RABGAP1L: variants seen among roughly 807,000 people sequenced by gnomAD.
The protein encoded by RABGAP1L is rab GTPase-activating protein 1-like.
RABGAP1L carries 63 observed loss-of-function variants against 137.7 expected under a neutral mutation model. That is an observed-to-expected ratio of 0.46 (90% CI 0.37 to 0.56). The LOEUF (loss-of-function observed/expected upper bound fraction) is 0.56, where lower values mean the gene tolerates loss of function less well. Ranked by LOEUF, RABGAP1L falls within the 20% of genes least tolerant of loss-of-function variation. The probability of loss-of-function intolerance (pLI) is 0.00; values close to 1 mark genes in which losing one functional copy is unlikely to be tolerated. For missense variants in RABGAP1L, 1,095 were observed against 1,244.0 expected, an observed-to-expected ratio of 0.88 and a Z score of 1.80; for synonymous variants, 431 against 433.7, an observed-to-expected ratio of 0.99 and a Z score of 0.08.
At chr1:174,686,564 T>C (rs1678471697) in intron 15 of RABGAP1L, among the ~76,000 whole-genome samples, 1 of 152,038 alleles carries the variant, frequency 6.6e-6, no homozygotes, top group East Asian at 1.9e-4. Context: ...CCATCTTTCT[T>C]CTAAAGGAAG....
chr1:174,616,534 G>A (rs1174021424), intron 13 of RABGAP1L, among the ~76,000 whole-genome samples: 1 of 152,128 alleles, frequency 6.6e-6, no homozygotes, highest in Non-Finnish European at 1.5e-5. Flanking sequence ...CCTAGAGGTG[G>A]CAATCAAATG....
At chr1:174,507,326 G>A (rs994296341) in intron 13 of RABGAP1L, among the ~76,000 whole-genome samples, 1 of 152,016 alleles carries the variant, frequency 6.6e-6, no homozygotes, top group Admixed American at 6.6e-5. Context: ...TTAGAATTAG[G>A]CTTGTTGGTG....
At chr1:174,468,025 A>G (rs1657500724) in intron 13 of RABGAP1L, among the ~76,000 whole-genome samples, 1 of 152,074 alleles carries the variant, frequency 6.6e-6, no homozygotes, top group Non-Finnish European at 1.5e-5. Context: ...TCTTGATTAT[A>G]AGTTTTGTTT....
chr1:174,891,280 G>A (rs1257832573), intron 19 of RABGAP1L, among the ~76,000 whole-genome samples: 1 of 152,168 alleles, frequency 6.6e-6, no homozygotes, highest in Non-Finnish European at 1.5e-5. Flanking sequence ...TGGCTAAAAT[G>A]TAGGGGGTAG....
chr1:174,983,636 G>A (rs964922713), intron 24 of RABGAP1L, among the ~76,000 whole-genome samples: 1 of 152,134 alleles, frequency 6.6e-6, no homozygotes, highest in Non-Finnish European at 1.5e-5. Flanking sequence ...ATCTTGAAAA[G>A]TGATTTAACC....
chr1:174,900,767 G>C (rs1306906969), intron 19 of RABGAP1L, among the ~76,000 whole-genome samples: 1 of 152,126 alleles, frequency 6.6e-6, no homozygotes, highest in Non-Finnish European at 1.5e-5. Flanking sequence ...TGATCCACCT[G>C]CATTGGCCTC....
chr1:174,644,304 A>G (rs975842661), intron 14 of RABGAP1L, among the ~76,000 whole-genome samples: 19 of 152,144 alleles, frequency 1.2e-4, no homozygotes, highest in African/African-American at 3.9e-4. Context: ...TTTCCTTGAA[A>G]TAGCTTTTTA....
intron 11 of RABGAP1L, among the ~76,000 whole-genome samples, chr1:174,349,874 T>G: frequency 8.5e-6 from 1 of 117,490 alleles, no homozygotes. Flanking sequence ...CCCCCCCACC[T>G]CCCTCCTGGA....
In RABGAP1L at chr1:174,717,715, A is replaced by AT. The variant is rs1012181038; in HGVS notation, c.2169+15466dup. 7.2e-4 allele frequency among the ~76,000 whole-genome samples: 110 copies of AT among 152,076 alleles called. 1 individual carries two copies. The highest frequency in any genetic ancestry group is 2.4e-3 in the African/African-American group (101 of 41,506). ...ATCTAATTCTTGTCTTAGACCTTAC[A>AT]TTTTTTTCCAAAATCAGTATAGTTG... On this transcript the variant is annotated intron_variant, in intron 17 of 25. Transcript: ENST00000681986.
At chr1:174,544,174 A>G (rs573238868) in intron 13 of RABGAP1L, among the ~76,000 whole-genome samples, 14 of 152,162 alleles carry the variant, frequency 9.2e-5, no homozygotes, top group Non-Finnish European at 1.9e-4. Context: ...CTCCTGGGTA[A>G]TATCCTGCAG....
Position 174,947,468 on chromosome 1 carries a change from A to C in RABGAP1L, c.2341-9989A>C, listed in dbSNP as rs552337008. ...GTTTCGCTCCTGTCACCCAGGCTGG[A>C]GTACAATGCCGCGATCTTGGCTCAC... On this transcript the variant is annotated intron_variant, in intron 19 of 25. Transcript: ENST00000681986. Among the ~76,000 whole-genome samples, 4 of 151,984 alleles carry C rather than the reference A, an allele frequency of 2.6e-5. 1 individual carries two copies. Among genetic ancestry groups the C allele is most frequent in the African/African-American group, 7.2e-5 (3 of 41,444 alleles).
chr1:174,830,635 C>G lies in RABGAP1L; in HGVS notation c.2340+18675C>G, dbSNP rs905828761. Among the ~76,000 whole-genome samples the G allele has an allele frequency of 6.1e-5, 9 of 147,204 alleles. 2 individuals are homozygous for G. The highest frequency in any genetic ancestry group is 2.5e-5 in the African/African-American group (1 of 40,270). On this transcript the variant is annotated intron_variant, in intron 19 of 25. Coordinates refer to ENST00000681986, the MANE Select transcript of RABGAP1L (RefSeq NM_001366446.1). The stretch of plus-strand genomic sequence containing the variant: ...GGGACTACAGGCATGTGCCACCATG[C>G]CTGGCCAATTTTTGTATTTTTAGTA...
intron 1 of RABGAP1L, among the ~76,000 whole-genome samples, chr1:174,195,400 A>G (rs1484766213): frequency 2.0e-5 from 3 of 152,086 alleles, no homozygotes; most frequent in South Asian, 2.1e-4. Flanking sequence ...ATTTTTCCCT[A>G]TATACTCAAA....
chr1:174,908,537 CTTTTTTTT>C (rs774387616), intron 19 of RABGAP1L, among the ~76,000 whole-genome samples: 2 of 94,416 alleles, frequency 2.1e-5, no homozygotes, highest in African/African-American at 5.0e-5. Flanking sequence ...ACAACATATT[CTTTTTTTT>C]TTTTTTTTTT....
chr1:174,615,467 A>C (rs1312476354), intron 13 of RABGAP1L, among the ~76,000 whole-genome samples: 1 of 152,166 alleles, frequency 6.6e-6, no homozygotes, highest in African/African-American at 2.4e-5. Context: ...CTGCCATGTC[A>C]GGTGTCGGTC....
In RABGAP1L at chr1:174,305,022, A is replaced by G. The variant is rs1678071556; in HGVS notation, c.1360A>G (p.Ile454Val). The G allele has an allele frequency of 3.8e-6, 6 of 1,564,450 alleles. No homozygotes were observed. The highest frequency in any genetic ancestry group is 5.2e-6 in the Non-Finnish European group (6 of 1,159,550). ...GKGHTNAGDA[I>V]YEVVSLQRES... is the part of the protein sequence containing the mutation. ...AGGCCATACCAATGCTGGAGATGCA[A>G]TATATGAGGTGGTGAGTCTACAGCG... is the stretch of plus-strand genomic sequence containing the variant. The change falls in exon 11 of 26, where the codon ATA becomes GTA. Residue 454 changes from isoleucine (I) to valine (V), a missense_variant. Physicochemically the swap from Ile to Val is conservative, Grantham distance 29. Coordinates refer to ENST00000681986, the MANE Select transcript of RABGAP1L (RefSeq NM_001366446.1).
intron 13 of RABGAP1L, among the ~76,000 whole-genome samples, chr1:174,622,441 C>G (rs563420445): frequency 1.5e-3 from 231 of 152,286 alleles, no homozygotes; most frequent in African/African-American, 5.3e-3. Context: ...ATAGCAAAGA[C>G]TTGGAACCAA....
At chr1:174,702,575 T>C (rs533556486) in intron 17 of RABGAP1L, among the ~76,000 whole-genome samples, 17 of 152,122 alleles carry the variant, frequency 1.1e-4, no homozygotes, top group Non-Finnish European at 2.2e-4. Flanking sequence ...AATAAATGAA[T>C]TTAGAATTGG....
chr1:174,871,812 A>G (rs192225806), intron 19 of RABGAP1L, among the ~76,000 whole-genome samples: 43 of 152,378 alleles, frequency 2.8e-4, no homozygotes, highest in African/African-American at 8.9e-4. Context: ...ACTCTGCTCA[A>G]AATGAGACAA....
Sources: gnomAD v4.1 joint callset for allele counts (sites outside exome capture counted in the v4.1 genomes callset) on GRCh38, gnomAD v4.1.1 for gene constraint, MANE v1.5 for transcripts, NCBI Gene and HGNC (gene_info 2026-07-23, HGNC 2026-07-21) for gene names.